Variants in TMEM135 observed in about 807,000 individuals in gnomAD.
The protein encoded by TMEM135 is transmembrane protein 135, also known as peroxisomal membrane protein 52.
Under a neutral mutation model 60.3 loss-of-function variants are expected in TMEM135, and 30 were observed. That is an observed-to-expected ratio of 0.50 (90% CI 0.37 to 0.68). TMEM135 has a LOEUF of 0.68. TMEM135 is among the 30% of genes least tolerant of loss of function. The pLI, the probability that TMEM135 is intolerant of heterozygous loss-of-function variation, is 0.00. For missense variants in TMEM135, 468 were observed against 548.8 expected (o/e 0.85, Z 1.47); for synonymous variants, 190 against 186.7 (o/e 1.02, Z -0.14).
At chr11:87,284,217 C>A (rs568373939) in intron 6 of TMEM135, among the ~76,000 whole-genome samples, 2 of 152,180 alleles carry the variant, frequency 1.3e-5, no homozygotes, top group Admixed American at 6.5e-5. Context: ...TCCAATGAAA[C>A]CACAATCTGC....
rs187104046 is a variant in TMEM135 at position 87,055,924 on chromosome 11, A to G, written c.142-11770A>G. ...AAGAAAGAATTCAGGGCAAGTCCGC[A>G]GCGCAAAGCAAAAGCAAGTTTATTA... On this transcript the variant is annotated intron_variant, in intron 1 of 14. Coordinates refer to ENST00000305494, the MANE Select transcript of TMEM135 (RefSeq NM_022918.4). Among the ~76,000 whole-genome samples the G allele has an allele frequency of 1.9e-3, 290 of 152,270 alleles. 2 individuals are homozygous for G. The highest frequency in any genetic ancestry group is 0.018 in the Admixed American group (277 of 15,290).
At chr11:87,269,227 C>G (rs1296743776) in intron 6 of TMEM135, among the ~76,000 whole-genome samples, 2 of 147,488 alleles carry the variant, frequency 1.4e-5, no homozygotes, top group African/African-American at 5.0e-5. Context: ...GACAGAAAAG[C>G]ATAATCTACT....
intron 5 of TMEM135, among the ~76,000 whole-genome samples, chr11:87,227,726 A>T (rs1273777029): frequency 6.6e-6 from 1 of 152,166 alleles, no homozygotes; most frequent in Non-Finnish European, 1.5e-5. Context: ...TTGACTTTGA[A>T]CACACATTGT....
chr11:87,244,540 T>A lies in TMEM135; in HGVS notation c.509+7856T>A, dbSNP rs554436805. Among the ~76,000 whole-genome samples, 3 of 89,818 alleles carry A rather than the reference T, an allele frequency of 3.3e-5. 1 individual carries two copies. The highest frequency in any genetic ancestry group is 3.6e-4 in the South Asian group (1 of 2,788). 58.9% of individuals were successfully genotyped at this position (89,818 alleles called of 152,430 possible). A position where few individuals can be genotyped will look rare whatever the true frequency, so the allele number is the denominator to read the frequency against. On this transcript the variant is annotated intron_variant, in intron 6 of 14. Coordinates refer to ENST00000305494, the MANE Select transcript of TMEM135 (RefSeq NM_022918.4). ...CCACAATTTCAGAGCCTGTTATTGG[T>A]CTATTCAGATATTCAACTTCTTCCT...
Position 87,302,301 on chromosome 11 carries a change from T to C in TMEM135, c.557T>C (p.Ile186Thr). 2 of 1,613,842 alleles carry C rather than the reference T, an allele frequency of 1.2e-6. No homozygotes were observed. Among genetic ancestry groups the C allele is most frequent in the South Asian group, 1.1e-5 (1 of 91,068 alleles). ...CATTGTGCTCTTTTCTTTAGGTTCA[T>C]TGTAGGGAAGGAAGAAATTCCCACA... is the stretch of plus-strand genomic sequence containing the variant. ...KGFTFSALRF[I>T]VGKEEIPTHS... Residue 186 changes from isoleucine (I) to threonine (T), a missense_variant, in exon 8 of 15, where the codon ATT (isoleucine) becomes ACT (threonine). Ile to Thr is a moderately conservative substitution (Grantham distance 89, BLOSUM62 -1). Coordinates refer to ENST00000305494, the MANE Select transcript of TMEM135 (RefSeq NM_022918.4).
intron 10 of TMEM135, among the ~76,000 whole-genome samples, chr11:87,312,407 A>G (rs1942654977): frequency 6.6e-6 from 1 of 151,822 alleles, no homozygotes; most frequent in South Asian, 2.1e-4. Flanking sequence ...ATCCTTTGTT[A>G]TAGGATTTAA....
intron 5 of TMEM135, among the ~76,000 whole-genome samples, chr11:87,229,460 A>G (rs1280449096): frequency 6.6e-6 from 1 of 152,116 alleles, no homozygotes; most frequent in African/African-American, 2.4e-5. Context: ...GATAAAACAC[A>G]GTTTTTATGG....
chr11:87,300,323 G>A (rs1942422242), intron 7 of TMEM135, among the ~76,000 whole-genome samples: 1 of 152,162 alleles, frequency 6.6e-6, no homozygotes, highest in Admixed American at 6.5e-5. Flanking sequence ...AAAGAATAGT[G>A]TCAAGAACAC....
At chr11:87,243,447 A>G (rs1941187381) in intron 6 of TMEM135, among the ~76,000 whole-genome samples, 13 of 124,742 alleles carry the variant, frequency 1.0e-4, no homozygotes, top group South Asian at 2.9e-4. Context: ...CTTGGGCAGT[A>G]TGGCCATTTT....
chr11:87,253,923 G>A (rs61904479), intron 6 of TMEM135, among the ~76,000 whole-genome samples: 99,740 of 151,190 alleles, frequency 0.66, 33,382 homozygotes, highest in Non-Finnish European at 0.71. Flanking sequence ...CTCTTTAGAA[G>A]TTATGAGAAA....
chr11:87,113,864 G>T (rs539324629), intron 4 of TMEM135, among the ~76,000 whole-genome samples: 13 of 151,988 alleles, frequency 8.6e-5, no homozygotes, highest in Admixed American at 2.0e-4. Context: ...ATCACAATAT[G>T]ATCCCTATAT....
At chr11:87,139,693 C>T (rs1019915707) in intron 4 of TMEM135, among the ~76,000 whole-genome samples, 19 of 152,244 alleles carry the variant, frequency 1.2e-4, no homozygotes, top group Admixed American at 6.5e-4. Flanking sequence ...CCAGTATCTC[C>T]ATATTCTCAC....
At chr11:87,304,311 C>A (rs149341714) in intron 8 of TMEM135, among the ~76,000 whole-genome samples, 1 of 152,056 alleles carries the variant, frequency 6.6e-6, no homozygotes, top group East Asian at 1.9e-4. Context: ...TTCAAGGCTG[C>A]GGTGATCTAT....
chr11:87,285,005 T>C (rs1942137647), intron 6 of TMEM135, among the ~76,000 whole-genome samples: 1 of 152,232 alleles, frequency 6.6e-6, no homozygotes, highest in African/African-American at 2.4e-5. Context: ...GCATAGTAAA[T>C]TGAAATAATC....
chr11:87,200,253 T>G (rs2135329415), intron 5 of TMEM135, among the ~76,000 whole-genome samples: 1 of 152,276 alleles, frequency 6.6e-6, no homozygotes, highest in Middle Eastern at 3.4e-3. Flanking sequence ...TTCACAGGTT[T>G]TAGACTCTTC....
intron 4 of TMEM135, among the ~76,000 whole-genome samples, chr11:87,124,541 T>C (rs970758253): frequency 6.6e-6 from 1 of 152,186 alleles, no homozygotes; most frequent in South Asian, 2.1e-4. Flanking sequence ...CTCAGTTTTT[T>C]TTCAATGACA....
chr11:87,122,469 TA>T (rs1200420922), intron 4 of TMEM135, among the ~76,000 whole-genome samples: 1 of 150,842 alleles, frequency 6.6e-6, no homozygotes, highest in Non-Finnish European at 1.5e-5. Flanking sequence ...ATTTATTATT[TA>T]TTTTTTTTGA....
intron 6 of TMEM135, among the ~76,000 whole-genome samples, chr11:87,243,195 C>T (rs1190818034): frequency 1.2e-5 from 1 of 81,668 alleles, no homozygotes; most frequent in Non-Finnish European, 2.9e-5. Context: ...GGGCTCTGTT[C>T]TGTTCCATCG....
intron 8 of TMEM135, among the ~76,000 whole-genome samples, chr11:87,304,387 A>G (rs1157821768): frequency 6.6e-6 from 1 of 152,130 alleles, no homozygotes; most frequent in Non-Finnish European, 1.5e-5. Context: ...TCACTTAGAA[A>G]AAAAAAGGAA....
Sources: gnomAD v4.1 joint callset for allele counts (sites outside exome capture counted in the v4.1 genomes callset) on GRCh38, gnomAD v4.1.1 for gene constraint, MANE v1.5 for transcripts, NCBI Gene and HGNC (gene_info 2026-07-23, HGNC 2026-07-21) for gene names.